The following PDE4C variants were observed in gnomAD, a reference collection of about 807,000 sequenced individuals.
PDE4C encodes the protein phosphodiesterase 4C.
In PDE4C, 50 loss-of-function variants were observed where a neutral mutation model predicts 63.9. The observed-to-expected ratio is 0.78, with a 90% CI of 0.62 to 0.99. The LOEUF (loss-of-function observed/expected upper bound fraction) is 0.99. PDE4C is among the 50% of genes least tolerant of loss of function. The pLI, the probability that PDE4C is intolerant of heterozygous loss-of-function variation, is 0.00. For synonymous variants in PDE4C, 377 were observed against 385.1 expected (o/e 0.98, Z 0.25); for missense variants, 777 against 899.1 (o/e 0.86, Z 1.74).
At chr19:18,224,825 C>G (rs1005114012) in intron 1 of PDE4C, among the ~76,000 whole-genome samples, 1 of 152,186 alleles carries the variant, frequency 6.6e-6, no homozygotes, top group African/African-American at 2.4e-5. Flanking sequence ...GTCTGGGGTG[C>G]GCCGTGGGCG....
upstream of PDE4C, among the ~76,000 whole-genome samples, chr19:18,248,908 C>T (rs1969186962): frequency 6.6e-6 from 1 of 151,872 alleles, no homozygotes; most frequent in Non-Finnish European, 1.5e-5. Context: ...GCCTGTAATC[C>T]CAGCTACTTG....
chr19:18,231,936 G>A (rs573966592), intron 1 of PDE4C, among the ~76,000 whole-genome samples: 7 of 152,036 alleles, frequency 4.6e-5, no homozygotes, highest in Admixed American at 6.6e-5. Context: ...TCCTGTGCAC[G>A]AGCTTCCCAA....
upstream of PDE4C, among the ~76,000 whole-genome samples, chr19:18,235,844 T>G (rs1968940988): frequency 6.6e-6 from 1 of 151,982 alleles, no homozygotes; most frequent in Non-Finnish European, 1.5e-5. Context: ...GTCTGAGGCT[T>G]TATACATTCT....
At position 18,220,402 on chromosome 19, in the gene PDE4C, C is replaced by T. The variant is rs780738456; in HGVS notation, c.612+1G>A. 2 of 1,614,004 alleles carry T rather than the reference C, an allele frequency of 1.2e-6. No homozygotes were observed. The highest frequency in any genetic ancestry group is 1.7e-6 in the Non-Finnish European group (2 of 1,179,890). On this transcript the variant is annotated splice_donor_variant, in intron 6 of 14. Coordinates refer to ENST00000262805, the Ensembl canonical transcript of PDE4C. LOFTEE classifies it high-confidence loss of function. The surrounding 1 kb of genome is among the most constrained non-coding windows in gnomAD (Gnocchi z 5.1). ...GAGCTCAGCGATCTGCCCCACCTCA[C>T]CTTGTTGGAGGCCATCTCCCCCACC...
At chr19:18,247,602 G>C (rs1209017428) in intron 1 of PDE4C, among the ~76,000 whole-genome samples, 2 of 152,060 alleles carry the variant, frequency 1.3e-5, no homozygotes, top group Non-Finnish European at 2.9e-5. Context: ...GGCCAGCTCT[G>C]GGTATTTCTC....
intron 1 of PDE4C, among the ~76,000 whole-genome samples, chr19:18,225,029 G>A (rs138548095): frequency 0.012 from 1,784 of 152,330 alleles, 17 homozygotes; most frequent in Middle Eastern, 0.031. Flanking sequence ...GTGCAAATCC[G>A]GATCCCGGGC....
At chr19:18,225,205 C>T (rs1168301459) in intron 1 of PDE4C, among the ~76,000 whole-genome samples, 2 of 152,114 alleles carry the variant, frequency 1.3e-5, no homozygotes, top group African/African-American at 4.8e-5. Context: ...TGCCCATTGG[C>T]CAGGGGGGTA....
upstream of PDE4C, chr19:18,248,244 C>T: frequency 2.2e-6 from 1 of 455,974 alleles, no homozygotes; most frequent in Non-Finnish European, 4.4e-6. Context: ...AATGACCTGA[C>T]CAAGAGGGAG....
At chr19:18,229,102 A>ATTTTT (rs56379821), upstream of PDE4C, among the ~76,000 whole-genome samples, 1 of 124,550 alleles carries the variant, frequency 8.0e-6, no homozygotes, top group Non-Finnish European at 1.6e-5. Flanking sequence ...TGCCAAGCTA[A>ATTTTT]TTTTTTTTTT....
upstream of PDE4C, among the ~76,000 whole-genome samples, chr19:18,236,280 C>A (rs567046065): frequency 4.0e-5 from 6 of 151,782 alleles, no homozygotes; most frequent in Non-Finnish European, 8.8e-5. Flanking sequence ...TGCTCTGTCA[C>A]CCAGGTTGGA....
At chr19:18,241,428 G>A (rs962681582) in intron 1 of PDE4C, among the ~76,000 whole-genome samples, 4 of 151,094 alleles carry the variant, frequency 2.6e-5, no homozygotes, top group Non-Finnish European at 4.4e-5. Flanking sequence ...CACCATGCCC[G>A]GCTAATTTTT....
chr19:18,245,259 G>T (rs907138524), intron 1 of PDE4C, among the ~76,000 whole-genome samples: 1 of 152,020 alleles, frequency 6.6e-6, no homozygotes, highest in Admixed American at 6.6e-5. Context: ...CACCTCCTGG[G>T]TTCAAGCAAT....
At chr19:18,253,715 C>T in the PDE4C span, among the ~76,000 whole-genome samples, 2 of 152,140 alleles carry the variant, frequency 1.3e-5, no homozygotes, top group South Asian at 2.1e-4. Flanking sequence ...AAGACACAGG[C>T]GCTGGGAACA....
chr19:18,208,073 G>GA (rs756524455), downstream of PDE4C: 19 of 151,112 alleles, frequency 1.3e-4, no homozygotes, highest in East Asian at 9.7e-4. Context: ...GAAAAATCTT[G>GA]AAAAAAAAAT....
At chr19:18,228,323 A>G (rs966898128), upstream of PDE4C, among the ~76,000 whole-genome samples, 2 of 152,222 alleles carry the variant, frequency 1.3e-5, no homozygotes, top group South Asian at 2.1e-4. Flanking sequence ...AGTGCTTCAA[A>G]AACATGCAGC....
At chr19:18,219,446 G>A in intron 7 of PDE4C, 49 bp from the exon 8 acceptor site, 1 of 1,528,354 alleles carries the variant, frequency 6.5e-7, no homozygotes, top group Non-Finnish European at 8.8e-7. Context: ...TCACCTGCTG[G>A]GGCCTGGCCT....
At chr19:18,241,556 C>T (rs567165326) in intron 1 of PDE4C, among the ~76,000 whole-genome samples, 7 of 149,590 alleles carry the variant, frequency 4.7e-5, no homozygotes, top group East Asian at 2.0e-4. Flanking sequence ...CGTGAGCCAC[C>T]GCGCCCGGCC....
At chr19:18,250,154 G>T, upstream of PDE4C, 1 of 398,688 alleles carries the variant, frequency 2.5e-6, no homozygotes, top group Non-Finnish European at 4.4e-6. Context: ...GGTGGGCAAA[G>T]GACAATCTGT....
exon 15 of PDE4C, chr19:18,211,077 T>C: frequency 6.2e-7 from 1 of 1,614,182 alleles, no homozygotes. Flanking sequence ...TTCCTCTGCC[T>C]CCTCCAGAGT....
Sources: gnomAD v4.1 joint callset for allele counts (sites outside exome capture counted in the v4.1 genomes callset) on GRCh38, gnomAD v4.1.1 for gene constraint, Gnocchi (gnomAD v3.1) non-coding constraint, MANE v1.5 for transcripts, NCBI Gene and HGNC (gene_info 2026-07-23, HGNC 2026-07-21) for gene names.